The following NUP205 variants were observed in gnomAD, a reference collection of about 807,000 sequenced individuals.
NUP205 encodes the protein nucleoporin 205.
A neutral mutation model predicts 253.8 loss-of-function variants in NUP205; 76 were observed. The ratio of observed to expected loss-of-function variants is 0.30; its 90% CI spans 0.25 to 0.36. NUP205 has a LOEUF of 0.36. Among genes scored for constraint, NUP205 ranks in the 10% least tolerant of loss-of-function variants. NUP205 has a pLI of 1.00. For synonymous variants in NUP205, 832 were observed against 850.1 expected, an observed-to-expected ratio of 0.98 and a Z score of 0.37; for missense variants, 2,162 against 2,425.5, an observed-to-expected ratio of 0.89 and a Z score of 2.28.
Position 135,594,458 on chromosome 7 carries a change from A to C in NUP205, c.1831-89A>C, listed in dbSNP as rs1427802834. 3 of 978,096 alleles carry C rather than the reference A, an allele frequency of 3.1e-6. No individual in the cohort carries two copies. In the East Asian group the frequency reaches 7.4e-5, roughly 24 times the overall value. 60.6% of individuals were successfully genotyped at this position (978,096 alleles called of 1,614,324 possible). The stretch of plus-strand genomic sequence containing the variant: ...GTATATATTAAGCCCATGAGGACTC[A>C]GTATAAATGATAGCAATTTAGATGA... On this transcript the variant is annotated intron_variant, in intron 12 of 42. Coordinates refer to ENST00000285968, the MANE Select transcript of NUP205 (RefSeq NM_015135.3).
Position 135,598,124 on chromosome 7 carries a change from G to GGCTTT in NUP205, c.2193_2197dup (p.Asp733AlafsTer54). ...TTTGGGTGCTGGACTGCGGCCCCCTGGCTTTGACCCTTATTTGCAGTTCCT... is the reference window on the plus strand; with the variant it reads ...TTTGGGTGCTGGACTGCGGCCCCCTGGCTTTGCTTTGACCCTTATTTGCAGTTCCT... On this transcript the variant is annotated frameshift_variant, in exon 15 of 43. Transcript: ENST00000285968. LOFTEE classifies it high-confidence loss of function. The GGCTTT allele has an allele frequency of 6.2e-7, 1 of 1,614,098 alleles. No individual in the cohort carries two copies. Among genetic ancestry groups the GGCTTT allele is most frequent in the Admixed American group, 1.7e-5 (1 of 60,008 alleles).
At position 135,573,812 on chromosome 7, in the gene NUP205, GCTT is replaced by G; in HGVS notation, c.337_339del (p.Leu113del). 6.2e-7 allele frequency: 1 copy of G among 1,608,852 alleles called. No homozygotes were observed. The highest frequency in any genetic ancestry group is 8.5e-7 in the Non-Finnish European group (1 of 1,178,652). ...ATATTGGAGAATTGGCAGCTGTTGA[GCTT>G]CTTCTTGCTGGTAGGTTGACATTTA... On this transcript the variant is annotated inframe_deletion, in exon 3 of 43. Transcript: ENST00000285968.
Position 135,614,278 on chromosome 7 carries a change from G to A in NUP205, c.3310+5G>A. 1 of 1,411,814 alleles carries A rather than the reference G, an allele frequency of 7.1e-7. No individual in the cohort carries two copies. The highest frequency in any genetic ancestry group is 1.0e-6 in the Non-Finnish European group (1 of 996,742). The allele number at this position is 1,411,814 out of a possible 1,614,324, so 87.5% of individuals were successfully genotyped here. Reference sequence around the variant, plus strand: ...ATCTACCATTTTCTAACAAAGGTAGGCCATTATTTTCCCGTATTTATAAGA... The same window carrying A: ...ATCTACCATTTTCTAACAAAGGTAGACCATTATTTTCCCGTATTTATAAGA... On this transcript the variant is annotated splice_donor_5th_base_variant and intron_variant, in intron 23 of 42. Transcript: ENST00000285968.
chr7:135,583,841 T>C (rs1245803916), intron 7 of NUP205, among the ~76,000 whole-genome samples: 1 of 150,604 alleles, frequency 6.6e-6, no homozygotes, highest in African/African-American at 2.4e-5. Context: ...TCTTTCTTTC[T>C]TTCTTTTTTT....
chr7:135,627,194 A>AT (rs951223126), intron 33 of NUP205, among the ~76,000 whole-genome samples: 7 of 152,036 alleles, frequency 4.6e-5, no homozygotes, highest in Non-Finnish European at 7.4e-5. Flanking sequence ...ATAGGCAGCC[A>AT]TTTTTTTGGT....
intron 7 of NUP205, among the ~76,000 whole-genome samples, chr7:135,582,629 A>G (rs1161921264): frequency 6.6e-6 from 1 of 151,976 alleles, no homozygotes; most frequent in East Asian, 1.9e-4. Flanking sequence ...GACCACAGCT[A>G]ATTCTTTGAT....
chr7:135,558,827 A>G (rs1167632704), intron 1 of NUP205, among the ~76,000 whole-genome samples: 1 of 152,240 alleles, frequency 6.6e-6, no homozygotes, highest in East Asian at 1.9e-4. Context: ...TTCGCGGGCA[A>G]GATTAAGAGT....
At position 135,604,497 on chromosome 7, in the gene NUP205, AT is replaced by A. The variant is rs757436684; in HGVS notation, c.2823+41del. On this transcript the variant is annotated intron_variant, in intron 19 of 42. Coordinates refer to ENST00000285968, the MANE Select transcript of NUP205 (RefSeq NM_015135.3). ...TGTTGCTCTTGTTATTTTTTGGTGC[AT>A]TTTGCATTTTGACTATATATGGAAG... 6 of 1,580,360 alleles carry A rather than the reference AT, an allele frequency of 3.8e-6. No individual in the cohort carries two copies. In the East Asian group the frequency reaches 6.8e-5, roughly 18 times the overall value.
intron 1 of NUP205, among the ~76,000 whole-genome samples, chr7:135,567,124 G>GTATATATA (rs1310178860): frequency 7.4e-4 from 18 of 24,214 alleles, no homozygotes; most frequent in Non-Finnish European, 1.1e-3. Context: ...CTCAGTCTAT[G>GTATATATA]TGTGTATATA....
intron 30 of NUP205, among the ~76,000 whole-genome samples, chr7:135,621,183 A>G (rs1041957205): frequency 1.1e-4 from 17 of 152,354 alleles, no homozygotes; most frequent in South Asian, 4.1e-4. Context: ...TGCCATACAT[A>G]GTACCCTATA....
chr7:135,587,245 A>G (rs1016794715), intron 8 of NUP205, among the ~76,000 whole-genome samples: 5 of 152,148 alleles, frequency 3.3e-5, no homozygotes, highest in East Asian at 1.9e-4. Context: ...AGTTCCAAGG[A>G]TGCTAAATGT....
chr7:135,645,124 C>T lies in NUP205; in HGVS notation c.5683+106C>T. On this transcript the variant is annotated intron_variant, in intron 40 of 42. Transcript: ENST00000285968. ...CCAAAACCAGGTGGAAGGAGATAAA[C>T]TTAATTTTTTCCCAGTAAATGCCTA... The T allele has an allele frequency of 4.5e-6, 6 of 1,347,746 alleles. No homozygotes were observed. In the South Asian group the frequency reaches 5.4e-5, roughly 12 times the overall value. 83.5% of individuals were successfully genotyped at this position (1,347,746 alleles called of 1,614,324 possible). A position where few individuals can be genotyped will look rare whatever the true frequency, so the allele number is the denominator to read the frequency against.
At chr7:135,564,034 A>T (rs1805671254) in intron 1 of NUP205, among the ~76,000 whole-genome samples, 1 of 151,950 alleles carries the variant, frequency 6.6e-6, no homozygotes, top group Non-Finnish European at 1.5e-5. Flanking sequence ...CAAACTCAAG[A>T]CAGATTGAAG....
chr7:135,563,027 A>G (rs1053777455), intron 1 of NUP205, among the ~76,000 whole-genome samples: 1 of 152,108 alleles, frequency 6.6e-6, no homozygotes, highest in African/African-American at 2.4e-5. Flanking sequence ...TCAGTTAACT[A>G]TCACTTTTGT....
At chr7:135,578,110 T>C in intron 6 of NUP205, 86 bp downstream of exon 6, 1 of 910,680 alleles carries the variant, frequency 1.1e-6, no homozygotes, top group Non-Finnish European at 1.8e-6. Flanking sequence ...ATATTTTAGC[T>C]ACTAAAATAG....
chr7:135,580,715 G>A (rs1806281258), intron 7 of NUP205, among the ~76,000 whole-genome samples: 1 of 152,068 alleles, frequency 6.6e-6, no homozygotes, highest in African/African-American at 2.4e-5. Flanking sequence ...TGCCTGCCTT[G>A]GCCTCCCAAA....
In NUP205 at chr7:135,617,261, TA is replaced by T. The variant is rs753990844; in HGVS notation, c.3690+17del. On this transcript the variant is annotated intron_variant, in intron 26 of 42. Coordinates refer to ENST00000285968, the MANE Select transcript of NUP205 (RefSeq NM_015135.3). ...TGCAATGTCAAGGTGAGGATTGCTT[TA>T]AAGTACATATCTGCAGTGTCAAGTG... The T allele has an allele frequency of 6.2e-7, 1 of 1,610,932 alleles. No homozygotes were observed. The highest frequency in any genetic ancestry group is 1.1e-5 in the South Asian group (1 of 90,752).
rs554542675 is a variant in NUP205 at position 135,583,488 on chromosome 7, A to G, written c.1043-1344A>G. The stretch of plus-strand genomic sequence containing the variant: ...TAAAGATGTGATAATGGCCAGGCGC[A>G]GTGACTCACGCCTGTAATCCCAGCA... On this transcript the variant is annotated intron_variant, in intron 7 of 42. Transcript: ENST00000285968. Among the ~76,000 whole-genome samples the G allele has an allele frequency of 8.5e-5, 13 of 152,120 alleles. No individual in the cohort carries two copies. In the South Asian group the frequency reaches 2.7e-3, roughly 32 times the overall value.
intron 16 of NUP205, 28 bp downstream of exon 16, chr7:135,600,997 A>G (rs1563123165): frequency 2.5e-6 from 3 of 1,203,478 alleles, no homozygotes; most frequent in Non-Finnish European, 3.7e-6. Context: ...CTTTCAAACA[A>G]GTTGTCAACT....
Sources: gnomAD v4.1 joint callset for allele counts (sites outside exome capture counted in the v4.1 genomes callset) on GRCh38, gnomAD v4.1.1 for gene constraint, MANE v1.5 for transcripts, NCBI Gene and HGNC (gene_info 2026-07-23, HGNC 2026-07-21) for gene names.